WWTR1: variants seen among roughly 807,000 people sequenced by gnomAD.
WWTR1 encodes WW domain containing transcription regulator 1, also known as WW domain-containing transcription regulator protein 1.
In WWTR1, 13 loss-of-function variants were observed where a neutral mutation model predicts 40.1. The ratio of observed to expected loss-of-function variants is 0.32; its 90% CI spans 0.21 to 0.52. The LOEUF (loss-of-function observed/expected upper bound fraction) is 0.52. Among genes scored for constraint, WWTR1 ranks in the 20% least tolerant of loss-of-function variants. The pLI is 0.97. For missense variants in WWTR1, 436 were observed against 523.1 expected (o/e 0.83, Z 1.63); for synonymous variants, 230 against 210.1 (o/e 1.09, Z -0.82).
At chr3:149,575,293 C>G (rs768922180) in intron 2 of WWTR1, among the ~76,000 whole-genome samples, 1 of 152,160 alleles carries the variant, frequency 6.6e-6, no homozygotes, top group African/African-American at 2.4e-5. Flanking sequence ...TTGTCACAGG[C>G]CTTCCAAGTG....
intron 3 of WWTR1, among the ~76,000 whole-genome samples, chr3:149,563,664 C>T (rs531437540): frequency 6.6e-6 from 1 of 152,340 alleles, no homozygotes; most frequent in African/African-American, 2.4e-5. Flanking sequence ...AAATTAAAGA[C>T]TGAACGATTG....
chr3:149,607,874 AG>A (rs1448799562), intron 2 of WWTR1, among the ~76,000 whole-genome samples: 3 of 152,242 alleles, frequency 2.0e-5, no homozygotes, highest in Admixed American at 2.0e-4. Context: ...AAACAAAAAA[AG>A]AAAAATAAGT....
intron 2 of WWTR1, among the ~76,000 whole-genome samples, chr3:149,648,844 G>A (rs1712678962): frequency 6.6e-6 from 1 of 152,174 alleles, no homozygotes; most frequent in African/African-American, 2.4e-5. Flanking sequence ...GTCGAAACCA[G>A]CTCTTTGGCC....
chr3:149,596,727 G>GT (rs1422935018), intron 2 of WWTR1, among the ~76,000 whole-genome samples: 2 of 152,202 alleles, frequency 1.3e-5, no homozygotes, highest in African/African-American at 4.8e-5. Flanking sequence ...TTGTTTGAAG[G>GT]TAAGATCTGC....
chr3:149,531,160 C>G (rs1047651255), intron 4 of WWTR1, among the ~76,000 whole-genome samples: 4 of 152,162 alleles, frequency 2.6e-5, no homozygotes, highest in African/African-American at 9.7e-5. Context: ...GTCTCGAACT[C>G]CTGGCCTCAA....
In WWTR1 at chr3:149,668,899, T is replaced by C. The variant is rs760025333; in HGVS notation, c.-4+889A>G. 3.3e-5 allele frequency among the ~76,000 whole-genome samples: 5 copies of C among 152,218 alleles called. No homozygotes were observed. In the South Asian group the frequency reaches 1.0e-3, roughly 32 times the overall value. On this transcript the variant is annotated intron_variant, in intron 2 of 7. Transcript: ENST00000465804. ...GCCATGAAGTCTCATTCTGTTTGGCTGGAAAGACAAGCATAATCTAGTGGT... is the reference window on the plus strand; with the variant it reads ...GCCATGAAGTCTCATTCTGTTTGGCCGGAAAGACAAGCATAATCTAGTGGT...
intron 2 of WWTR1, among the ~76,000 whole-genome samples, chr3:149,644,138 C>T (rs1016305389): frequency 1.3e-5 from 2 of 152,122 alleles, no homozygotes; most frequent in African/African-American, 2.4e-5. Flanking sequence ...CAATTAGAGG[C>T]GCCACCAGCC....
rs1340654788 is a variant in WWTR1, at chr3:149,517,813, A to G, written c.*2992T>C. 1 of 152,234 alleles carries G rather than the reference A, an allele frequency of 6.6e-6. No homozygotes were observed. Among genetic ancestry groups the G allele is most frequent in the African/African-American group, 2.4e-5 (1 of 41,458 alleles). The allele number at this position is 152,234 out of a possible 1,614,324, so 9.4% of individuals were successfully genotyped here. A position where few individuals can be genotyped will look rare whatever the true frequency, so the allele number is the denominator to read the frequency against. ...TTTGACAATGTATTTACTTCAAGAC[A>G]ATGTATTTTATCAGGAAAAAATATC... On this transcript the variant is annotated 3_prime_UTR_variant, in exon 7 of 7. Coordinates refer to ENST00000360632, the MANE Select transcript of WWTR1 (RefSeq NM_015472.6).
chr3:149,705,550 C>A (rs1715309834), upstream of WWTR1, among the ~76,000 whole-genome samples: 1 of 152,106 alleles, frequency 6.6e-6, no homozygotes, highest in Admixed American at 6.5e-5. Context: ...GGGGGAGAAA[C>A]CCTGATTCCA....
intron 6 of WWTR1, chr3:149,525,752 C>T (rs975192935): frequency 4.3e-5 from 11 of 253,620 alleles, no homozygotes; most frequent in Admixed American, 3.8e-4. Context: ...TACAGACACT[C>T]GGGACTACTG....
chr3:149,695,794 A>AAT (rs752351282), intron 1 of WWTR1, among the ~76,000 whole-genome samples: 65 of 140,796 alleles, frequency 4.6e-4, no homozygotes, highest in East Asian at 1.0e-3. Context: ...AAAAGAAAAA[A>AAT]ATATATATAT....
At chr3:149,526,189 A>T in intron 5 of WWTR1, 64 bp from the exon 6 acceptor site, 1 of 1,297,560 alleles carries the variant, frequency 7.7e-7, no homozygotes, top group Non-Finnish European at 1.1e-6. Context: ...AAATTAAAAC[A>T]CAGTCACAAA....
At chr3:149,588,176 A>G (rs996978595) in intron 2 of WWTR1, among the ~76,000 whole-genome samples, 4 of 152,142 alleles carry the variant, frequency 2.6e-5, no homozygotes, top group African/African-American at 7.2e-5. Context: ...GAAGCAATAG[A>G]CATACGTTTC....
chr3:149,546,206 C>T (rs1200188155), intron 3 of WWTR1, among the ~76,000 whole-genome samples: 1 of 152,204 alleles, frequency 6.6e-6, no homozygotes. Flanking sequence ...GACTAAACAT[C>T]TCTCATTATT....
At chr3:149,637,141 G>C (rs1480018803) in intron 2 of WWTR1, among the ~76,000 whole-genome samples, 3 of 151,710 alleles carry the variant, frequency 2.0e-5, no homozygotes, top group African/African-American at 4.8e-5. Flanking sequence ...CATCAAACTT[G>C]CTATATTATT....
intron 1 of WWTR1, among the ~76,000 whole-genome samples, chr3:149,695,492 G>C (rs1357752628): frequency 6.6e-6 from 1 of 152,010 alleles, no homozygotes; most frequent in Admixed American, 6.5e-5. Flanking sequence ...TGGGCGCAGT[G>C]GCTTACACCT....
intron 2 of WWTR1, among the ~76,000 whole-genome samples, chr3:149,597,612 C>T (rs1739059771): frequency 6.7e-6 from 1 of 149,900 alleles, no homozygotes; most frequent in Non-Finnish European, 1.5e-5. Flanking sequence ...GAGTGAGATC[C>T]TGTCTCAAAA....
At chr3:149,617,258 A>T (rs1740018717) in intron 2 of WWTR1, among the ~76,000 whole-genome samples, 1 of 151,874 alleles carries the variant, frequency 6.6e-6, no homozygotes, top group Non-Finnish European at 1.5e-5. Flanking sequence ...CTTTCATCTC[A>T]TCTCACTCTC....
chr3:149,594,537 T>G (rs137921213), intron 2 of WWTR1, among the ~76,000 whole-genome samples: 1 of 152,206 alleles, frequency 6.6e-6, no homozygotes, highest in African/African-American at 2.4e-5. Context: ...TTTAACCTAA[T>G]TTAATCATAA....
Sources: allele counts gnomAD v4.1 joint callset (sites outside exome capture counted in the v4.1 genomes callset), GRCh38; gene constraint gnomAD v4.1.1; transcripts MANE v1.5; gene names NCBI Gene and HGNC (gene_info 2026-07-23, HGNC 2026-07-21).